The following HLCS variants were observed in gnomAD, a reference collection of about 807,000 sequenced individuals.
HLCS encodes the protein biotin--protein ligase.
In HLCS, 53 loss-of-function variants were observed where a neutral mutation model predicts 75.0. That is an observed-to-expected ratio of 0.71 (90% CI 0.57 to 0.89). HLCS has a LOEUF of 0.89. Ranked by LOEUF, HLCS falls within the 40% of genes least tolerant of loss-of-function variation. The probability of loss-of-function intolerance (pLI) is 0.00; values close to 1 mark genes in which losing one functional copy is unlikely to be tolerated. For synonymous variants in HLCS, 431 were observed against 428.6 expected (o/e 1.01, Z -0.07); for missense variants, 966 against 1,074.0 (o/e 0.90, Z 1.41).
chr21:36,923,380 C>T (rs2066260191), intron 5 of HLCS, among the ~76,000 whole-genome samples: 3 of 152,158 alleles, frequency 2.0e-5, no homozygotes, highest in Admixed American at 6.5e-5. Flanking sequence ...ACTGCATAAA[C>T]GGTGGATATA....
At chr21:36,832,544 C>T (rs1426347651) in intron 6 of HLCS, among the ~76,000 whole-genome samples, 1 of 152,174 alleles carries the variant, frequency 6.6e-6, no homozygotes, top group Admixed American at 6.5e-5. Context: ...GTTCACTTTA[C>T]AGCCATTGCT....
chr21:36,778,023 C>T (rs1038706551), intron 6 of HLCS, among the ~76,000 whole-genome samples: 1 of 152,150 alleles, frequency 6.6e-6, no homozygotes, highest in African/African-American at 2.4e-5. Context: ...GGCTGGAGTG[C>T]AGTGGCACGA....
chr21:36,787,274 G>A (rs1456771025), intron 6 of HLCS, among the ~76,000 whole-genome samples: 1 of 152,096 alleles, frequency 6.6e-6, no homozygotes, highest in Non-Finnish European at 1.5e-5. Flanking sequence ...GCCACCGTGG[G>A]ACGAGGCACC....
intron 6 of HLCS, among the ~76,000 whole-genome samples, chr21:36,878,673 G>C (rs1165196674): frequency 5.3e-5 from 8 of 152,120 alleles, no homozygotes; most frequent in Admixed American, 2.0e-4. Context: ...TCCCGTTATA[G>C]CTTTACCACT....
intron 6 of HLCS, among the ~76,000 whole-genome samples, chr21:36,855,224 T>C (rs1220819816): frequency 1.3e-5 from 2 of 152,284 alleles, no homozygotes; most frequent in African/African-American, 4.8e-5. Context: ...GTTTATATAA[T>C]GTATAAATCC....
chr21:36,816,071 T>C (rs1259097623), intron 6 of HLCS, among the ~76,000 whole-genome samples: 5 of 152,160 alleles, frequency 3.3e-5, no homozygotes, highest in Non-Finnish European at 7.4e-5. Context: ...TAAAGTACAA[T>C]GGCTAAGAGT....
chr21:36,866,738 C>T (rs547737173), intron 6 of HLCS, among the ~76,000 whole-genome samples: 12 of 152,114 alleles, frequency 7.9e-5, no homozygotes, highest in Admixed American at 7.2e-4. Context: ...TAACTATCAT[C>T]TTCAACCACA....
At chr21:36,942,038 A>C (rs2074351350) in intron 2 of HLCS, among the ~76,000 whole-genome samples, 1 of 150,928 alleles carries the variant, frequency 6.6e-6, no homozygotes, top group Admixed American at 6.6e-5. Context: ...GCTAGGTGGG[A>C]GCAGGCACCT....
chr21:36,767,202 A>T lies in HLCS; in HGVS notation c.1960+16T>A, dbSNP rs73398135. On this transcript the variant is annotated intron_variant, in intron 7 of 10. Transcript: ENST00000674895. ...GAAAACAGAAGTAACAGCAATGATC[A>T]CAAAAGATGACTGACCTTTGCCCTC... The T allele has an allele frequency of 6.4e-3, 10,354 of 1,613,426 alleles. 590 individuals are homozygous for T. In the African/African-American group the frequency reaches 0.12, roughly 18 times the overall value.
chr21:36,847,354 T>C (rs189623902), intron 6 of HLCS, among the ~76,000 whole-genome samples: 2 of 152,326 alleles, frequency 1.3e-5, no homozygotes, highest in Admixed American at 6.5e-5. Context: ...AGAATCAACA[T>C]CATCTGAGTT....
intron 5 of HLCS, among the ~76,000 whole-genome samples, chr21:36,909,389 A>C (rs1358118029): frequency 1.3e-5 from 2 of 152,244 alleles, no homozygotes; most frequent in South Asian, 4.1e-4. Flanking sequence ...TGCAACATTA[A>C]ACAATACTAA....
At chr21:36,800,085 A>G (rs751915693) in intron 6 of HLCS, among the ~76,000 whole-genome samples, 1 of 152,116 alleles carries the variant, frequency 6.6e-6, no homozygotes. Flanking sequence ...GACACTGAAA[A>G]CACAGGAAAA....
chr21:36,855,062 A>G (rs896467194), intron 6 of HLCS, among the ~76,000 whole-genome samples: 7 of 151,888 alleles, frequency 4.6e-5, no homozygotes. Context: ...AAGACCTTGC[A>G]GCCATCATAT....
intron 5 of HLCS, among the ~76,000 whole-genome samples, chr21:36,917,111 T>A (rs534985768): frequency 6.6e-6 from 1 of 152,294 alleles, no homozygotes; most frequent in Non-Finnish European, 1.5e-5. Flanking sequence ...CAATTTTTTT[T>A]AACAAAAAAT....
chr21:36,954,406 A>G (rs867970682), intron 2 of HLCS, among the ~76,000 whole-genome samples: 3 of 152,006 alleles, frequency 2.0e-5, no homozygotes, highest in Admixed American at 6.5e-5. Context: ...CGAGGTCAGG[A>G]GATCGAGACC....
At chr21:36,941,130 T>G (rs2067122612) in intron 2 of HLCS, among the ~76,000 whole-genome samples, 1 of 152,150 alleles carries the variant, frequency 6.6e-6, no homozygotes. Flanking sequence ...GAGAATCGCT[T>G]AAACCCAGGA....
chr21:36,958,869 A>G (rs1367545438), intron 2 of HLCS, among the ~76,000 whole-genome samples: 1 of 152,192 alleles, frequency 6.6e-6, no homozygotes, highest in African/African-American at 2.4e-5. Context: ...TAATCTTATA[A>G]CCTAAGTTTT....
At chr21:36,794,645 C>T (rs1329929830) in intron 6 of HLCS, among the ~76,000 whole-genome samples, 2 of 152,156 alleles carry the variant, frequency 1.3e-5, no homozygotes, top group East Asian at 1.9e-4. Context: ...GGAAGCAACA[C>T]TGAGCCTTTC....
At position 36,978,630 on chromosome 21, in the gene HLCS, CAAG is replaced by C. The variant is rs2069010399; in HGVS notation, c.-393+11525_-393+11527del. Among the ~76,000 whole-genome samples, 5 of 152,194 alleles carry C rather than the reference CAAG, an allele frequency of 3.3e-5. No homozygotes were observed. In the South Asian group the frequency reaches 1.0e-3, roughly 32 times the overall value. On this transcript the variant is annotated intron_variant, in intron 1 of 11. Coordinates refer to the HLCS transcript ENST00000336648. ...AGCACACTGAGCCCTGAGAAGGGGG[CAAG>C]AAGAGCCCCAGGGTGCAAGGCCAGA...
Sources: gnomAD v4.1 joint callset for allele counts (sites outside exome capture counted in the v4.1 genomes callset) on GRCh38, gnomAD v4.1.1 for gene constraint, MANE v1.5 for transcripts, NCBI Gene and HGNC (gene_info 2026-07-23, HGNC 2026-07-21) for gene names.